GDE1: variants seen among roughly 807,000 people sequenced by gnomAD.
GDE1 encodes the protein glycerophosphodiester phosphodiesterase 1, also known as RGS16-interacting membrane protein.
In GDE1, 24 loss-of-function variants were observed where a neutral mutation model predicts 32.2. The ratio of observed to expected loss-of-function variants is 0.75; its 90% CI spans 0.54 to 1.05. The LOEUF is 1.05. Among genes scored for constraint, GDE1 ranks in the 50% least tolerant of loss-of-function variants. GDE1 has a pLI of 0.00. For synonymous variants in GDE1, 159 were observed against 158.6 expected (o/e 1.00, Z -0.02); for missense variants, 380 against 415.0 (o/e 0.92, Z 0.73).
At chr16:19,507,408 G>T (rs1458277026) in intron 4 of GDE1, among the ~76,000 whole-genome samples, 1 of 152,106 alleles carries the variant, frequency 6.6e-6, no homozygotes, top group Non-Finnish European at 1.5e-5. Flanking sequence ...AGAAGTAGGG[G>T]CTACATAATT....
chr16:19,503,848 C>T, intron 5 of GDE1: 1 of 429,048 alleles, frequency 2.3e-6, no homozygotes, highest in Non-Finnish European at 4.2e-6. Flanking sequence ...ATCGCCACCC[C>T]CAAATGTCCT....
Position 19,505,003 on chromosome 16 carries a change from A to G in GDE1, c.726T>C (p.Asp242=). 1 of 1,612,896 alleles carries G rather than the reference A, an allele frequency of 6.2e-7. No individual in the cohort carries two copies. The highest frequency in any genetic ancestry group is 8.5e-7 in the Non-Finnish European group (1 of 1,178,808). The change falls in exon 5 of 6, where the codon GAT becomes GAC. Residue 242 remains aspartate, a synonymous_variant. Coordinates refer to ENST00000353258, the MANE Select transcript of GDE1 (RefSeq NM_016641.4). The part of the protein sequence containing the change: ...SHTGDGKPRY[D]TFWKHFIFVM... ...CAAATATAAAATGTTTCCAGAAAGT[A>G]TCATAGCGTGGTTTCCCATCTCCTG...
At chr16:19,516,175 C>T (rs911737629) in intron 2 of GDE1, among the ~76,000 whole-genome samples, 1 of 152,162 alleles carries the variant, frequency 6.6e-6, no homozygotes, top group East Asian at 1.9e-4. Context: ...CGTTTACACT[C>T]TACCAGGAAG....
In GDE1 at chr16:19,502,692, CCA is replaced by C. The variant is rs1969192777; in HGVS notation, c.*776_*777del. The C allele has an allele frequency of 6.6e-6, 1 of 152,294 alleles. No homozygotes were observed. The highest frequency in any genetic ancestry group is 2.4e-5 in the African/African-American group (1 of 41,554). The allele number at this position is 152,294 out of a possible 1,614,324, so 9.4% of individuals were successfully genotyped here. A position where few individuals can be genotyped will look rare whatever the true frequency, so the allele number is the denominator to read the frequency against. On this transcript the variant is annotated 3_prime_UTR_variant, in exon 6 of 6. Coordinates refer to ENST00000353258, the MANE Select transcript of GDE1 (RefSeq NM_016641.4). ...GACTTTTGAGGCAACCCCTTCCCTT[CCA>C]CAGAGTTTAGTTTCCTCATTTGTAA...
In GDE1 at chr16:19,502,153, G is replaced by A. The variant is rs953651972; in HGVS notation, c.*1317C>T. The A allele has an allele frequency of 6.6e-6, 1 of 152,224 alleles. No homozygotes were observed. Among genetic ancestry groups the A allele is most frequent in the African/African-American group, 2.4e-5 (1 of 41,442 alleles). The allele number at this position is 152,224 out of a possible 1,614,324, so 9.4% of individuals were successfully genotyped here. On this transcript the variant is annotated 3_prime_UTR_variant, in exon 6 of 6. Coordinates refer to ENST00000353258, the MANE Select transcript of GDE1 (RefSeq NM_016641.4). ...GCAGATTCAGTGAGGGGTAAGGGTA[G>A]TGGCTCTGGGGGCAGACTGACCTAG...
At chr16:19,505,751 A>G (rs1454107289) in intron 4 of GDE1, among the ~76,000 whole-genome samples, 2 of 152,082 alleles carry the variant, frequency 1.3e-5, no homozygotes, top group South Asian at 2.1e-4. Flanking sequence ...ACCCTATTCA[A>G]CTCCATGACA....
At chr16:19,509,069 A>C (rs1341461646) in intron 3 of GDE1, among the ~76,000 whole-genome samples, 1 of 152,220 alleles carries the variant, frequency 6.6e-6, no homozygotes, top group Non-Finnish European at 1.5e-5. Flanking sequence ...TGGGAGGCCA[A>C]GGTGGGCGGA....
Position 19,510,822 on chromosome 16 carries a change from C to A in GDE1, c.543+17G>T. 2 of 1,242,032 alleles carry A rather than the reference C, an allele frequency of 1.6e-6. No individual in the cohort carries two copies. Among genetic ancestry groups the A allele is most frequent in the Non-Finnish European group, 2.3e-6 (2 of 887,754 alleles). The allele number at this position is 1,242,032 out of a possible 1,614,324, so 76.9% of individuals were successfully genotyped here. A position where few individuals can be genotyped will look rare whatever the true frequency, so the allele number is the denominator to read the frequency against. On this transcript the variant is annotated intron_variant, in intron 3 of 5. Transcript: ENST00000353258. Reference sequence around the variant, plus strand: ...GATGTCTTTTTAACAAAGTGAAGTCCACAATTTAAACTGTACCTTGTGTGC... The same window carrying A: ...GATGTCTTTTTAACAAAGTGAAGTCAACAATTTAAACTGTACCTTGTGTGC...
At chr16:19,503,692 T>A (rs1420199570) in intron 5 of GDE1, 75 bp from the exon 6 acceptor site, 3 of 1,192,466 alleles carry the variant, frequency 2.5e-6, no homozygotes, top group Non-Finnish European at 3.7e-6. Context: ...CCACTAAGTA[T>A]GGTGTTCACT....
chr16:19,509,021 G>A (rs1194885899), intron 3 of GDE1, among the ~76,000 whole-genome samples: 2 of 152,204 alleles, frequency 1.3e-5, no homozygotes, highest in Non-Finnish European at 2.9e-5. Context: ...TCTAAGAGAA[G>A]CCAGGCGTGG....
chr16:19,517,816 A>G (rs924743229), intron 1 of GDE1, among the ~76,000 whole-genome samples: 1 of 152,094 alleles, frequency 6.6e-6, no homozygotes, highest in African/African-American at 2.4e-5. Context: ...GAGACACACT[A>G]TTTAATGTTT....
intron 2 of GDE1, among the ~76,000 whole-genome samples, chr16:19,511,614 A>G (rs985041121): frequency 2.0e-5 from 3 of 152,126 alleles, no homozygotes; most frequent in Admixed American, 6.5e-5. Flanking sequence ...ATTGTTAACT[A>G]TAATCACTTT....
intron 1 of GDE1, among the ~76,000 whole-genome samples, chr16:19,520,079 A>G (rs978411434): frequency 1.3e-5 from 2 of 152,168 alleles, no homozygotes; most frequent in African/African-American, 4.8e-5. Context: ...CATTTCTGAC[A>G]GTGCTAGAAT....
chr16:19,503,341 A>G lies in GDE1; in HGVS notation c.*129T>C. ...TTAGCTTTGGTTCAGGTAAAAATGCAGTGACCAACTATTGCATTTGTGTGA... is the reference window on the plus strand; with the variant it reads ...TTAGCTTTGGTTCAGGTAAAAATGCGGTGACCAACTATTGCATTTGTGTGA... On this transcript the variant is annotated 3_prime_UTR_variant, in exon 6 of 6. Transcript: ENST00000353258. 1 of 789,224 alleles carries G rather than the reference A, an allele frequency of 1.3e-6. No individual in the cohort carries two copies. Among genetic ancestry groups the G allele is most frequent in the Non-Finnish European group, 2.0e-6 (1 of 488,136 alleles). The allele number at this position is 789,224 out of a possible 1,614,324, so 48.9% of individuals were successfully genotyped here. A position where few individuals can be genotyped will look rare whatever the true frequency, so the allele number is the denominator to read the frequency against.
chr16:19,520,762 A>G (rs1313274755), intron 1 of GDE1, among the ~76,000 whole-genome samples: 1 of 151,558 alleles, frequency 6.6e-6, no homozygotes, highest in East Asian at 1.9e-4. Flanking sequence ...AAGGAAGAAG[A>G]GAGAGAAAAA....
At chr16:19,514,732 C>T (rs1462068223) in intron 2 of GDE1, among the ~76,000 whole-genome samples, 1 of 152,046 alleles carries the variant, frequency 6.6e-6, no homozygotes, top group Non-Finnish European at 1.5e-5. Context: ...AATGCTAATT[C>T]AACTGCATTA....
At chr16:19,513,371 A>G (rs903917727) in intron 2 of GDE1, among the ~76,000 whole-genome samples, 2 of 150,818 alleles carry the variant, frequency 1.3e-5, no homozygotes, top group African/African-American at 4.9e-5. Context: ...TTTGGTAGCT[A>G]TGTAAATGGG....
chr16:19,503,185 C>T lies in GDE1; in HGVS notation c.*285G>A. ...ACTGTACAATTCAATCTGTGCTTAT[C>T]CTCACTGGGTCTCCCTGTGTGCCTC... On this transcript the variant is annotated 3_prime_UTR_variant, in exon 6 of 6. Coordinates refer to ENST00000353258, the MANE Select transcript of GDE1 (RefSeq NM_016641.4). 2.4e-6 allele frequency: 1 copy of T among 424,714 alleles called. No individual in the cohort carries two copies. The highest frequency in any genetic ancestry group is 2.0e-5 in the African/African-American group (1 of 51,136). The allele number at this position is 424,714 out of a possible 1,614,324, so 26.3% of individuals were successfully genotyped here.
intron 2 of GDE1, among the ~76,000 whole-genome samples, chr16:19,512,689 G>C (rs1202289049): frequency 1.3e-5 from 2 of 151,872 alleles, no homozygotes; most frequent in African/African-American, 4.8e-5. Context: ...TATAGTTTCT[G>C]GTCTTAAATT....
Sources: gnomAD v4.1 joint callset for allele counts (sites outside exome capture counted in the v4.1 genomes callset) on GRCh38, gnomAD v4.1.1 for gene constraint, MANE v1.5 for transcripts, NCBI Gene and HGNC (gene_info 2026-07-23, HGNC 2026-07-21) for gene names.